Variants in GBP2 observed in about 807,000 individuals in gnomAD.
GBP2 encodes the protein guanylate binding protein 2.
GBP2 carries 54 observed loss-of-function variants against 60.8 expected under a neutral mutation model. The ratio of observed to expected loss-of-function variants is 0.89; its 90% CI spans 0.71 to 1.11. The LOEUF is 1.11. Ranked by LOEUF, GBP2 falls within the 50% of genes most tolerant of loss-of-function variation. The probability of loss-of-function intolerance (pLI) is 0.00; values close to 1 mark genes in which losing one functional copy is unlikely to be tolerated. For missense variants in GBP2, 665 were observed against 703.3 expected, an observed-to-expected ratio of 0.95 and a Z score of 0.62; for synonymous variants, 243 against 256.5, an observed-to-expected ratio of 0.95 and a Z score of 0.50.
At chr1:89,118,608 A>G (rs1157775188) in intron 4 of GBP2, 4 of 152,190 alleles carry the variant, frequency 2.6e-5, no homozygotes, top group Non-Finnish European at 5.9e-5. Context: ...TGTGTATGCC[A>G]AAACAAACAA....
chr1:89,109,980 T>C (rs1227033754), intron 9 of GBP2, 110 bp from the exon 10 acceptor site: 2 of 1,161,082 alleles, frequency 1.7e-6, no homozygotes, highest in Non-Finnish European at 2.4e-6. Context: ...AGAAAACTTC[T>C]TGTAATTTTG....
At chr1:89,111,685 G>T (rs1202433165) in intron 8 of GBP2, among the ~76,000 whole-genome samples, 6 of 152,008 alleles carry the variant, frequency 3.9e-5, no homozygotes, top group African/African-American at 1.5e-4. Context: ...CAACTAGAAA[G>T]AATGAATAAA....
In GBP2 at chr1:89,107,579, C is replaced by T. The variant is rs1056550; in HGVS notation, c.*596G>A. Among the ~76,000 whole-genome samples, 95,213 of 151,978 alleles carry T rather than the reference C, an allele frequency of 0.63. 30,467 individuals carry two copies. The highest frequency in any genetic ancestry group is 0.78 in the East Asian group (4,025 of 5,164). ...GTGCCCACAGATCATGCAGCCTCCACCCAAATGAGAACTGTGCACTGTCTG... is the reference window on the plus strand; with the variant it reads ...GTGCCCACAGATCATGCAGCCTCCATCCAAATGAGAACTGTGCACTGTCTG... On this transcript the variant is annotated 3_prime_UTR_variant, in exon 11 of 11. Transcript: ENST00000370466.
intron 8 of GBP2, among the ~76,000 whole-genome samples, chr1:89,111,483 T>C (rs1681162911): frequency 6.6e-6 from 1 of 152,148 alleles, no homozygotes; most frequent in African/African-American, 2.4e-5. Context: ...AACGTGGAAC[T>C]TGAGGTCATC....
rs1215142253 is a variant in GBP2 at position 89,114,819 on chromosome 1, C to T, written c.869-523G>A. 2.6e-5 allele frequency among the ~76,000 whole-genome samples: 4 copies of T among 152,140 alleles called. No homozygotes were observed. The East Asian group carries it at 5.8e-4, about 22-fold the overall frequency. On this transcript the variant is annotated intron_variant, in intron 6 of 10. Transcript: ENST00000370466. ...AAAGTCTCACATGCCAGGAAAACCT[C>T]ATCTTAGGCAAACTGGAGTGGTTGA... is the stretch of plus-strand genomic sequence containing the variant.
chr1:89,109,688 G>C lies in GBP2; in HGVS notation c.1648C>G (p.Leu550Val). The change falls in exon 10 of 11, where the codon CTT (leucine) becomes GTT (valine). Residue 550 changes from leucine to valine, a missense_variant. Leu to Val is a conservative substitution (Grantham distance 32, BLOSUM62 1). Coordinates refer to ENST00000370466, the MANE Select transcript of GBP2 (RefSeq NM_004120.5). ...ATGCAATTGAATACCTGAAGTTTAA[G>C]AGCGAGGGTCTTCTCTTGCTCTGCC... is the stretch of plus-strand genomic sequence containing the variant. Reference protein sequence around the residue: ...LMAEQEKTLALKLQEQERLLK... With the variant: ...LMAEQEKTLAVKLQEQERLLK... 6.2e-7 allele frequency: 1 copy of C among 1,613,510 alleles called. No individual in the cohort carries two copies. Among genetic ancestry groups the C allele is most frequent in the Non-Finnish European group, 8.5e-7 (1 of 1,179,848 alleles).
chr1:89,109,318 A>G (rs1239960475), intron 10 of GBP2, among the ~76,000 whole-genome samples: 2 of 152,216 alleles, frequency 1.3e-5, no homozygotes, highest in African/African-American at 4.8e-5. Flanking sequence ...TTCTCTAGGT[A>G]GTCTGATGCA....
intron 9 of GBP2, 33 bp downstream of exon 9, chr1:89,110,131 C>T (rs1248521484): frequency 3.3e-6 from 5 of 1,494,828 alleles, no homozygotes; most frequent in African/African-American, 1.4e-5. Context: ...TGAGAGCTTT[C>T]CGACCATGTA....
rs769514280 is a variant in GBP2 at position 89,117,024 on chromosome 1, G to A, written c.836C>T (p.Thr279Ile). The A allele has an allele frequency of 7.4e-6, 12 of 1,613,878 alleles. No individual in the cohort carries two copies. The African/African-American group carries it at 1.5e-4, about 20-fold the overall frequency. The change falls in exon 6 of 11, where the codon ACT (threonine) becomes ATT (isoleucine). Residue 279 changes from threonine (T) to isoleucine (I), a missense_variant. Coordinates refer to ENST00000370466, the MANE Select transcript of GBP2 (RefSeq NM_004120.5). Reference sequence around the variant, plus strand: ...ATTGACTGGAATGCCACCTGAAAGAGTCTTGACATTGGAATGGCTGAGGAT... The same window carrying A: ...ATTGACTGGAATGCCACCTGAAAGAATCTTGACATTGGAATGGCTGAGGAT... Reference protein sequence around the residue: ...SYILSHSNVKTLSGGIPVNGP... With the variant: ...SYILSHSNVKILSGGIPVNGP...
Position 89,117,759 on chromosome 1 carries a change from A to AG in GBP2, c.442dup (p.Leu148ProfsTer13), listed in dbSNP as rs761541886. On this transcript the variant is annotated frameshift_variant, in exon 5 of 11. Transcript: ENST00000370466. LOFTEE classifies it high-confidence loss of function. ...GGAGTTTGCCTTGATTCGATCTGTC[A>AG]GCTCTGTCACATAGCTGAGATGCTA... The AG allele has an allele frequency of 6.2e-7, 1 of 1,610,544 alleles. No homozygotes were observed. Among genetic ancestry groups the AG allele is most frequent in the South Asian group, 1.1e-5 (1 of 90,618 alleles).
rs199694830 is a variant in GBP2, at chr1:89,125,211, TAA to T, written c.-18+650_-18+651del. Among the ~76,000 whole-genome samples the T allele has an allele frequency of 2.9e-3, 446 of 152,372 alleles. 3 individuals are homozygous for T. Among genetic ancestry groups the T allele is most frequent in the African/African-American group, 0.01 (433 of 41,596 alleles). On this transcript the variant is annotated intron_variant, in intron 1 of 10. Coordinates refer to ENST00000370466, the MANE Select transcript of GBP2 (RefSeq NM_004120.5). ...CATTACAGCTTTCCTTCTTCTATAATAAAGAGTGCTTTGTTTATAATATGGAG... is the reference window on the plus strand; with the variant it reads ...CATTACAGCTTTCCTTCTTCTATAATAGAGTGCTTTGTTTATAATATGGAG...
rs1264127203 is a variant in GBP2, at chr1:89,126,092, T to G, written c.-247A>C. On this transcript the variant is annotated 5_prime_UTR_variant, in exon 1 of 11. Transcript: ENST00000370466. The stretch of plus-strand genomic sequence containing the variant: ...CGAGAGACAAGAAAAAGAGGTAACC[T>G]CTGCAAAGAAATGCACTAATATGAA... 1 of 152,204 alleles carries G rather than the reference T, an allele frequency of 6.6e-6. No homozygotes were observed. Among genetic ancestry groups the G allele is most frequent in the African/African-American group, 2.4e-5 (1 of 41,440 alleles). 9.4% of individuals were successfully genotyped at this position (152,204 alleles called of 1,614,324 possible).
intron 1 of GBP2, among the ~76,000 whole-genome samples, chr1:89,125,236 G>A (rs888404868): frequency 1.3e-5 from 2 of 152,096 alleles, no homozygotes; most frequent in Non-Finnish European, 2.9e-5. Flanking sequence ...TTATAATATG[G>A]AGTCGATTAC....
Position 89,109,815 on chromosome 1 carries a change from T to C in GBP2, c.1521A>G (p.Ile507Met). 6.2e-7 allele frequency: 1 copy of C among 1,614,080 alleles called. No homozygotes were observed. Among genetic ancestry groups the C allele is most frequent in the Non-Finnish European group, 8.5e-7 (1 of 1,179,994 alleles). The stretch of plus-strand genomic sequence containing the variant: ...CCATCATCTCCTCATTCTTCTTTTG[T>C]ATTTCCTCCAACATTTTCTTTGCAG... ...AEAAKKMLEEIQKKNEEMMEQ... is the reference protein window; with the variant it reads ...AEAAKKMLEEMQKKNEEMMEQ... The change falls in exon 10 of 11, where the codon ATA becomes ATG. Residue 507 changes from isoleucine (I) to methionine (M), a missense_variant. Coordinates refer to ENST00000370466, the MANE Select transcript of GBP2 (RefSeq NM_004120.5).
Position 89,117,751 on chromosome 1 carries a change from G to GA in GBP2, c.450dup (p.Arg151SerfsTer10). 2 of 1,612,980 alleles carry GA rather than the reference G, an allele frequency of 1.2e-6. No individual in the cohort carries two copies. The highest frequency in any genetic ancestry group is 2.2e-5 in the South Asian group (2 of 90,898). On this transcript the variant is annotated frameshift_variant, in exon 5 of 11. Transcript: ENST00000370466. LOFTEE classifies it high-confidence loss of function. ...CCAGGTGAGGAGTTTGCCTTGATTC[G>GA]ATCTGTCAGCTCTGTCACATAGCTG... is the stretch of plus-strand genomic sequence containing the variant.
At chr1:89,116,682 T>C (rs551088997) in intron 6 of GBP2, among the ~76,000 whole-genome samples, 2 of 152,284 alleles carry the variant, frequency 1.3e-5, no homozygotes, top group South Asian at 2.1e-4. Context: ...GCTTTTTTCT[T>C]TGTTGCTCAG....
chr1:89,123,626 T>C (rs1262908714), intron 1 of GBP2, among the ~76,000 whole-genome samples: 4 of 152,262 alleles, frequency 2.6e-5, no homozygotes, highest in African/African-American at 9.6e-5. Context: ...GTCTTACACA[T>C]ACAGTCAAAA....
In GBP2 at chr1:89,108,018, T is replaced by C; in HGVS notation, c.*157A>G. 1 of 600,648 alleles carries C rather than the reference T, an allele frequency of 1.7e-6. No individual in the cohort carries two copies. The highest frequency in any genetic ancestry group is 3.0e-6 in the Non-Finnish European group (1 of 334,612). The allele number at this position is 600,648 out of a possible 1,614,324, so 37.2% of individuals were successfully genotyped here. ...TGTAGGTAAAACATTGACCTCATAC[T>C]TAACCTTTACTTTGCAAACTTTATG... On this transcript the variant is annotated 3_prime_UTR_variant, in exon 11 of 11. Transcript: ENST00000370466.
chr1:89,110,042 C>T, intron 9 of GBP2, 122 bp downstream of exon 9: 1 of 948,338 alleles, frequency 1.1e-6, no homozygotes, highest in Non-Finnish European at 1.6e-6. Flanking sequence ...AGAAAACTCT[C>T]ATAGAACTAT....
Sources: gnomAD v4.1 joint callset for allele counts (sites outside exome capture counted in the v4.1 genomes callset) on GRCh38, gnomAD v4.1.1 for gene constraint, MANE v1.5 for transcripts, NCBI Gene and HGNC (gene_info 2026-07-23, HGNC 2026-07-21) for gene names.